Variants in LRRC75A observed in about 807,000 individuals in gnomAD.
The protein encoded by LRRC75A is leucine-rich repeat-containing protein 75A.
LRRC75A carries 12 observed loss-of-function variants against 26.0 expected under a neutral mutation model. The ratio of observed to expected loss-of-function variants is 0.46; its 90% CI spans 0.30 to 0.75. The LOEUF is 0.75. Among genes scored for constraint, LRRC75A ranks in the 30% least tolerant of loss-of-function variants. The pLI is 0.08. For missense variants in LRRC75A, 410 were observed against 486.6 expected (o/e 0.84, Z 1.48); for synonymous variants, 223 against 219.3 (o/e 1.02, Z -0.15).
At position 16,491,681 on chromosome 17, in the gene LRRC75A, GC is replaced by G. The variant is rs574357045; in HGVS notation, c.246+63del. The G allele has an allele frequency of 5.3e-4, 606 of 1,148,848 alleles. No homozygotes were observed. The highest frequency in any genetic ancestry group is 1.5e-3 in the South Asian group (55 of 35,882). 71.2% of individuals were successfully genotyped at this position (1,148,848 alleles called of 1,614,324 possible). On this transcript the variant is annotated intron_variant, in intron 1 of 3. Coordinates refer to ENST00000470794, the MANE Select transcript of LRRC75A (RefSeq NM_001113567.3). This position sits in a 1 kb window ranked among gnomAD's most constrained non-coding sequence, Gnocchi z 5.9. ...CGGCTTCCTCGGTTAGGGATGGGGCGCCCCCCCCGGCCCAGCACGCCCCCTG... is the reference window on the plus strand; with the variant it reads ...CGGCTTCCTCGGTTAGGGATGGGGCGCCCCCCCGGCCCAGCACGCCCCCTG...
intron 3 of LRRC75A, among the ~76,000 whole-genome samples, chr17:16,445,158 ATTTTTTTTT>A (rs766449990): frequency 2.4e-4 from 17 of 69,738 alleles, no homozygotes; most frequent in East Asian, 4.2e-4. Context: ...CATTTTCTGC[ATTTTTTTTT>A]TTTTTTTTTT....
At position 16,492,130 on chromosome 17, in the gene LRRC75A, G is replaced by T; in HGVS notation, c.-140C>A. The stretch of plus-strand genomic sequence containing the variant: ...ACTGTTGCGCGCGGGCGTCGCGGGG[G>T]CGGGCGGGCGGGCGGCTGTCGGCGC... On this transcript the variant is annotated 5_prime_UTR_variant, in exon 1 of 4. Transcript: ENST00000470794. The T allele has an allele frequency of 1.6e-6, 1 of 634,376 alleles. No individual in the cohort carries two copies. The highest frequency in any genetic ancestry group is 2.0e-6 in the Non-Finnish European group (1 of 506,980). The allele number at this position is 634,376 out of a possible 1,614,324, so 39.3% of individuals were successfully genotyped here.
At chr17:16,455,968 C>A (rs1288327145) in intron 2 of LRRC75A, among the ~76,000 whole-genome samples, 1 of 152,084 alleles carries the variant, frequency 6.6e-6, no homozygotes, top group Non-Finnish European at 1.5e-5. Context: ...AAGAACCCCT[C>A]CAGGGCTCCC....
Position 16,447,873 on chromosome 17 carries a change from C to T in LRRC75A, c.463G>A (p.Gly155Arg). The change falls in exon 3 of 4, where the codon GGG (glycine) becomes AGG (arginine). Residue 155 changes from glycine (G) to arginine (R), a missense_variant. Physicochemically the swap from Gly to Arg is moderately radical, Grantham distance 125. Transcript: ENST00000470794. ...SPHSQWRRHR[G>R]LVKRKPQACL... ...GCCTGTGGCTTCCTTTTCACCAGCC[C>T]CCGGTGCCGCCTCCACTGGGAGTGG... 8 of 1,549,352 alleles carry T rather than the reference C, an allele frequency of 5.2e-6. No individual in the cohort carries two copies. Among genetic ancestry groups the T allele is most frequent in the Non-Finnish European group, 7.0e-6 (8 of 1,146,406 alleles).
chr17:16,458,256 G>A (rs777010544), intron 2 of LRRC75A, among the ~76,000 whole-genome samples: 3 of 151,434 alleles, frequency 2.0e-5, no homozygotes, highest in African/African-American at 7.3e-5. Flanking sequence ...GCAGCGAGTC[G>A]AGATTGCGCC....
intron 1 of LRRC75A, among the ~76,000 whole-genome samples, chr17:16,486,570 A>G (rs1021238398): frequency 6.6e-6 from 1 of 152,224 alleles, no homozygotes; most frequent in African/African-American, 2.4e-5. Flanking sequence ...AATGAACATG[A>G]TTCAGCACAA....
intron 1 of LRRC75A, among the ~76,000 whole-genome samples, chr17:16,487,850 C>T (rs1249592030): frequency 3.3e-5 from 5 of 152,232 alleles, no homozygotes; most frequent in African/African-American, 7.2e-5. Context: ...AGCCATACCA[C>T]TGGGAGGCCC....
In LRRC75A at chr17:16,455,278, A is replaced by G. The variant is rs552656158; in HGVS notation, c.375+6980T>C. On this transcript the variant is annotated intron_variant, in intron 2 of 3. Transcript: ENST00000470794. ...AGCTCCCATGTTGCGTAAAATTTTG[A>G]TTAAACACATTTGTTCTGCTTTTTT... Among the ~76,000 whole-genome samples, 7 of 152,144 alleles carry G rather than the reference A, an allele frequency of 4.6e-5. No individual in the cohort carries two copies. The South Asian group carries it at 1.5e-3, about 32-fold the overall frequency.
At chr17:16,484,137 AC>A (rs757503593) in intron 1 of LRRC75A, among the ~76,000 whole-genome samples, 1 of 152,042 alleles carries the variant, frequency 6.6e-6, no homozygotes, top group Non-Finnish European at 1.5e-5. Flanking sequence ...AGAGATCGAG[AC>A]CATCCTGGCC....
intron 1 of LRRC75A, among the ~76,000 whole-genome samples, chr17:16,485,681 T>TGTTCGTTC: frequency 7.4e-6 from 1 of 135,544 alleles, no homozygotes; most frequent in African/African-American, 3.0e-5. Context: ...CGTGTGTGTG[T>TGTTCGTTC]GTGTGTGTGT....
intron 1 of LRRC75A, among the ~76,000 whole-genome samples, chr17:16,481,205 G>A (rs2093833214): frequency 6.6e-6 from 1 of 152,112 alleles, no homozygotes; most frequent in African/African-American, 2.4e-5. Flanking sequence ...GGAGAGAGCC[G>A]GTAAGAACAC....
intron 1 of LRRC75A, chr17:16,470,214 C>T (rs1387110817): frequency 6.6e-6 from 1 of 152,116 alleles, no homozygotes; most frequent in East Asian, 1.9e-4. Context: ...ACCTCAACTC[C>T]CCCCTTCCCT....
In LRRC75A at chr17:16,443,843, G is replaced by T. The variant is rs748115111; in HGVS notation, c.780C>A (p.Phe260Leu). Reference sequence around the variant, plus strand: ...CCAGGTCAATCCACGTGACATTGGGGAACTTGCTGGGATCCTTAAGGATGT... The same window carrying T: ...CCAGGTCAATCCACGTGACATTGGGTAACTTGCTGGGATCCTTAAGGATGT... ...LTDILKDPSK[F>L]PNVTWIDLGN... Residue 260 changes from phenylalanine (F) to leucine (L), a missense_variant, in exon 4 of 4, where the codon TTC (phenylalanine) becomes TTA (leucine). Coordinates refer to ENST00000470794, the MANE Select transcript of LRRC75A (RefSeq NM_001113567.3). 1 of 1,613,960 alleles carries T rather than the reference G, an allele frequency of 6.2e-7. No homozygotes were observed. Among genetic ancestry groups the T allele is most frequent in the Non-Finnish European group, 8.5e-7 (1 of 1,179,834 alleles).
rs527475689 is a variant in LRRC75A, at chr17:16,478,702, G to A, written c.246+13043C>T. The A allele has an allele frequency of 2.0e-5, 3 of 152,262 alleles. No homozygotes were observed. The East Asian group carries it at 5.8e-4, about 29-fold the overall frequency. The allele number at this position is 152,262 out of a possible 1,614,324, so 9.4% of individuals were successfully genotyped here. ...GTAACTTACTGTCTTTCGTGTCTGA[G>A]TTTCCATGTCCCAAACCAACCCCTC... On this transcript the variant is annotated intron_variant, in intron 1 of 3. Coordinates refer to ENST00000470794, the MANE Select transcript of LRRC75A (RefSeq NM_001113567.3).
In LRRC75A at chr17:16,443,497, T is replaced by C; in HGVS notation, c.*91A>G. ...CCCAGGCCAATTTTTGGCAATATCCTTAACCCACCTGATAGGAGAAGCGCC... is the reference window on the plus strand; with the variant it reads ...CCCAGGCCAATTTTTGGCAATATCCCTAACCCACCTGATAGGAGAAGCGCC... On this transcript the variant is annotated 3_prime_UTR_variant, in exon 4 of 4. Transcript: ENST00000470794. 2.3e-6 allele frequency: 3 copies of C among 1,280,320 alleles called. No homozygotes were observed. Among genetic ancestry groups the C allele is most frequent in the Non-Finnish European group, 3.1e-6 (3 of 957,712 alleles). 79.3% of individuals were successfully genotyped at this position (1,280,320 alleles called of 1,614,324 possible). A position where few individuals can be genotyped will look rare whatever the true frequency, so the allele number is the denominator to read the frequency against.
At chr17:16,480,209 C>T (rs1255396504) in intron 1 of LRRC75A, among the ~76,000 whole-genome samples, 3 of 152,164 alleles carry the variant, frequency 2.0e-5, no homozygotes, top group Non-Finnish European at 4.4e-5. Context: ...CATTATATTA[C>T]AATGCGGTAA....
intron 1 of LRRC75A, among the ~76,000 whole-genome samples, chr17:16,477,296 C>T (rs896207353): frequency 6.6e-6 from 1 of 152,264 alleles, no homozygotes; most frequent in African/African-American, 2.4e-5. Flanking sequence ...TTAACCATCA[C>T]AAGCTAAGCG....
intron 1 of LRRC75A, among the ~76,000 whole-genome samples, chr17:16,489,870 C>A (rs192269910): frequency 6.6e-6 from 1 of 152,142 alleles, no homozygotes; most frequent in African/African-American, 2.4e-5. Context: ...CCCCTCCCAC[C>A]CCCCCATCAG....
chr17:16,485,630 C>T (rs926456067), intron 1 of LRRC75A, among the ~76,000 whole-genome samples: 5 of 104,740 alleles, frequency 4.8e-5, no homozygotes, highest in Non-Finnish European at 7.9e-5. Flanking sequence ...CCAGGACAAG[C>T]AGTGTGTGTG....
Sources: allele counts gnomAD v4.1 joint callset (sites outside exome capture counted in the v4.1 genomes callset), GRCh38; gene constraint gnomAD v4.1.1; non-coding constraint Gnocchi (gnomAD v3.1); transcripts MANE v1.5; gene names NCBI Gene and HGNC (gene_info 2026-07-23, HGNC 2026-07-21).